The following RUBCNL variants were observed in gnomAD, a reference collection of about 807,000 sequenced individuals.
RUBCNL encodes rubicon like autophagy enhancer.
Under a neutral mutation model 69.5 loss-of-function variants are expected in RUBCNL, and 62 were observed. That is an observed-to-expected ratio of 0.89 (90% confidence interval 0.73 to 1.10). The LOEUF is 1.10. Among genes scored for constraint, RUBCNL ranks in the 50% least tolerant of loss-of-function variants. The pLI is 0.00. For missense variants in RUBCNL, 768 were observed against 798.1 expected (o/e 0.96, Z 0.45); for synonymous variants, 291 against 303.6 (o/e 0.96, Z 0.43).
At chr13:46,369,094 G>C (rs551187207) in intron 3 of RUBCNL, among the ~76,000 whole-genome samples, 28 of 152,214 alleles carry the variant, frequency 1.8e-4, no homozygotes, top group Non-Finnish European at 2.6e-4. Flanking sequence ...GGTAGAAAGA[G>C]AATAGGGTCC....
chr13:46,359,438 CA>C, intron 9 of RUBCNL, 47 bp downstream of exon 9: 1 of 1,552,084 alleles, frequency 6.4e-7, no homozygotes, highest in Non-Finnish European at 8.8e-7. Flanking sequence ...GGATCTGTCA[CA>C]ATGTGATTTA....
chr13:46,382,596 G>A (rs974360371), intron 1 of RUBCNL, among the ~76,000 whole-genome samples: 11 of 152,142 alleles, frequency 7.2e-5, no homozygotes, highest in Non-Finnish European at 1.5e-4. Context: ...GCAGTGGCAT[G>A]ATCTCAGTTC....
intron 1 of RUBCNL, among the ~76,000 whole-genome samples, chr13:46,381,345 G>A (rs1403751748): frequency 6.6e-6 from 1 of 151,776 alleles, no homozygotes; most frequent in Non-Finnish European, 1.5e-5. Flanking sequence ...TATGCTAAGT[G>A]AAAAAAGCCA....
Position 46,350,339 on chromosome 13 carries a change from C to T in RUBCNL, c.1343G>A (p.Arg448Gln), listed in dbSNP as rs149265486. The stretch of plus-strand genomic sequence containing the variant: ...CCCTAGGTATTCGCAGTACCGGAGC[C>T]GCTTCACAAACTCTGCCAAGCATAC... ...GTPVEPKFVKRLRYCEYLGKY... is the reference protein window; with the variant it reads ...GTPVEPKFVKQLRYCEYLGKY... Residue 448 changes from arginine to glutamine, a missense_variant, in exon 11 of 15, where the codon CGG becomes CAG. Arg to Gln is a conservative substitution (Grantham distance 43). Transcript: ENST00000429979. 78 of 1,540,468 alleles carry T rather than the reference C, an allele frequency of 5.1e-5. No individual in the cohort carries two copies. The highest frequency in any genetic ancestry group is 3.4e-4 in the Middle Eastern group (2 of 5,964).
At chr13:46,381,251 T>G (rs1271963798) in intron 1 of RUBCNL, among the ~76,000 whole-genome samples, 1 of 152,216 alleles carries the variant, frequency 6.6e-6, no homozygotes, top group Non-Finnish European at 1.5e-5. Flanking sequence ...AAGTGTGCTA[T>G]ATCCGTACAA....
intron 12 of RUBCNL, 60 bp from the exon 13 acceptor site, chr13:46,345,660 A>ATGGG (rs2048231682): frequency 1.3e-6 from 2 of 1,545,696 alleles, no homozygotes; most frequent in Admixed American, 3.8e-5. Context: ...ACAGGGAAGA[A>ATGGG]TGGGGCCAGT....
chr13:46,355,047 G>C (rs2048454041), intron 10 of RUBCNL, among the ~76,000 whole-genome samples: 1 of 152,172 alleles, frequency 6.6e-6, no homozygotes, highest in South Asian at 2.1e-4. Context: ...TGCCCGTCAG[G>C]CATTATCATC....
intron 5 of RUBCNL, among the ~76,000 whole-genome samples, chr13:46,366,093 AAGGAAGAGTCCAGTATACTAAAT>A (rs2048748691): frequency 6.6e-6 from 1 of 152,180 alleles, no homozygotes; most frequent in Admixed American, 6.5e-5. Context: ...ACCACAGAAG[AAGGAAGAGTCCAGTATACTAAAT>A]AGGAATTACT....
intron 2 of RUBCNL, chr13:46,374,305 C>A (rs911558461): frequency 6.6e-6 from 1 of 152,302 alleles, no homozygotes; most frequent in East Asian, 1.9e-4. Flanking sequence ...TCTTGAACTC[C>A]TGACCTTGTG....
At chr13:46,366,362 C>A (rs764732252) in intron 5 of RUBCNL, among the ~76,000 whole-genome samples, 27 of 152,048 alleles carry the variant, frequency 1.8e-4, no homozygotes, top group Non-Finnish European at 2.1e-4. Flanking sequence ...AACTAGATGC[C>A]AGGGGTGGGT....
chr13:46,382,942 C>T (rs949424486), intron 1 of RUBCNL, among the ~76,000 whole-genome samples: 1 of 152,116 alleles, frequency 6.6e-6, no homozygotes, highest in Admixed American at 6.6e-5. Flanking sequence ...GTTTTAAGTG[C>T]CTATTTTTTA....
At position 46,338,125 on chromosome 13, in the gene RUBCNL, C is replaced by T. The variant is rs918419853; in HGVS notation, c.*5260G>A. 6.6e-5 allele frequency among the ~76,000 whole-genome samples: 10 copies of T among 152,152 alleles called. No homozygotes were observed. Among genetic ancestry groups the T allele is most frequent in the African/African-American group, 1.9e-4 (8 of 41,440 alleles). The stretch of plus-strand genomic sequence containing the variant: ...TCGGGAGGGAGATGAAAAGGGGAAG[C>T]GCCCACCACTCCCATCTGCAGAGCC... On this transcript the variant is annotated 3_prime_UTR_variant, in exon 15 of 15. Coordinates refer to ENST00000429979, the MANE Select transcript of RUBCNL (RefSeq NM_025113.5).
At chr13:46,354,750 T>C in intron 10 of RUBCNL, 1 of 456,670 alleles carries the variant, frequency 2.2e-6, no homozygotes, top group Non-Finnish European at 4.4e-6. Flanking sequence ...CACTTTGTGT[T>C]ACATACACTT....
chr13:46,387,073 C>A, intron 1 of RUBCNL, 61 bp downstream of exon 1: 1 of 985,160 alleles, frequency 1.0e-6, no homozygotes, highest in Non-Finnish European at 1.2e-6. Flanking sequence ...CCTTCCCTTT[C>A]TCCAACCACC....
Position 46,372,093 on chromosome 13 carries a change from G to C in RUBCNL, c.383C>G (p.Ser128Cys). The C allele has an allele frequency of 6.2e-7, 1 of 1,614,040 alleles. No individual in the cohort carries two copies. Among genetic ancestry groups the C allele is most frequent in the Admixed American group, 1.7e-5 (1 of 60,020 alleles). ...CATGTGTACCTCTGTTGAGGACAGA[G>C]AGAAGCTGCTACTCTTTTCACTCGA... ...HGSSEKSSSF[S>C]LSSTEVHMVR... Residue 128 changes from serine (S) to cysteine (C), a missense_variant, in exon 3 of 15, where the codon TCT (serine) becomes TGT (cysteine). Ser to Cys is a moderately radical substitution (Grantham distance 112). Transcript: ENST00000429979.
rs374920360 is a variant in RUBCNL at position 46,339,978 on chromosome 13, G to A, written c.*3407C>T. ...AGCCATGTTGGGTTTTTTTTTTAAG[G>A]CTCTGAGGAAGAATCTGCCCCCTGC... On this transcript the variant is annotated 3_prime_UTR_variant, in exon 15 of 15. Transcript: ENST00000429979. 8.6e-5 allele frequency among the ~76,000 whole-genome samples: 13 copies of A among 151,600 alleles called. No individual in the cohort carries two copies. Among genetic ancestry groups the A allele is most frequent in the African/African-American group, 2.7e-4 (11 of 41,360 alleles).
chr13:46,339,442 C>T lies in RUBCNL; in HGVS notation c.*3943G>A, dbSNP rs79995285. Among the ~76,000 whole-genome samples, 3,148 of 152,270 alleles carry T rather than the reference C, an allele frequency of 0.021. 57 individuals carry two copies. The highest frequency in any genetic ancestry group is 0.098 in the East Asian group (509 of 5,174). Reference sequence around the variant, plus strand: ...TAGCATCTGACGGTGGCTAAGCCAGCCATGCAGGCTCAGACCTGGGGGCAG... The same window carrying T: ...TAGCATCTGACGGTGGCTAAGCCAGTCATGCAGGCTCAGACCTGGGGGCAG... On this transcript the variant is annotated 3_prime_UTR_variant, in exon 15 of 15. Transcript: ENST00000429979.
In RUBCNL at chr13:46,363,191, G is replaced by T; in HGVS notation, c.849C>A (p.Ser283Arg). 6.3e-7 allele frequency: 1 copy of T among 1,588,100 alleles called. No individual in the cohort carries two copies. Reference protein sequence around the residue: ...GYEGCAVLQVSPVTETRTYHD... With the variant: ...GYEGCAVLQVRPVTETRTYHD... ...GGTAAGTACGTGTTTCAGTCACTGG[G>T]CTGACCTGTAACACAGCACAACCTA... The change falls in exon 6 of 15, where the codon AGC (serine) becomes AGA (arginine). Residue 283 changes from serine to arginine, a missense_variant. Ser to Arg is a moderately radical substitution (Grantham distance 110). Transcript: ENST00000429979.
chr13:46,352,527 G>A (rs1200813694), intron 10 of RUBCNL, among the ~76,000 whole-genome samples: 5 of 152,196 alleles, frequency 3.3e-5, no homozygotes, highest in African/African-American at 7.2e-5. Context: ...AGGCCTGGCC[G>A]GGTGCGGTGG....
Sources: allele counts gnomAD v4.1 joint callset (sites outside exome capture counted in the v4.1 genomes callset), GRCh38; gene constraint gnomAD v4.1.1; transcripts MANE v1.5; gene names NCBI Gene and HGNC (gene_info 2026-07-23, HGNC 2026-07-21).